Variants in USP10 observed in about 807,000 individuals in gnomAD.
USP10 encodes ubiquitin carboxyl-terminal hydrolase 10.
USP10 carries 22 observed loss-of-function variants against 84.5 expected under a neutral mutation model. The ratio of observed to expected loss-of-function variants is 0.26; its 90% confidence interval spans 0.19 to 0.37. The LOEUF is 0.37. USP10 is among the 10% of genes least tolerant of loss of function. The pLI, the probability that USP10 is intolerant of heterozygous loss-of-function variation, is 1.00. For missense variants in USP10, 1,019 were observed against 998.9 expected (o/e 1.02, Z -0.27); for synonymous variants, 454 against 387.6 (o/e 1.17, Z -2.01).
At chr16:84,713,373 C>G (rs1906560518) in intron 1 of USP10, among the ~76,000 whole-genome samples, 2 of 152,060 alleles carry the variant, frequency 1.3e-5, no homozygotes, top group African/African-American at 4.8e-5. Flanking sequence ...ACCCACTTTA[C>G]CCACCTTTAA....
intron 1 of USP10, among the ~76,000 whole-genome samples, chr16:84,731,628 C>T (rs1039445996): frequency 1.3e-5 from 2 of 152,088 alleles, no homozygotes; most frequent in African/African-American, 4.8e-5. Flanking sequence ...GAACAAAATC[C>T]TTTTTTCTCG....
intron 4 of USP10, among the ~76,000 whole-genome samples, chr16:84,753,546 C>A (rs1207524321): frequency 3.3e-5 from 5 of 152,176 alleles, no homozygotes; most frequent in African/African-American, 1.2e-4. Flanking sequence ...CAGCTCCTTA[C>A]CTGTTCCAGG....
intron 1 of USP10, among the ~76,000 whole-genome samples, chr16:84,705,715 C>CTTTTTTT (rs1034372044): frequency 2.0e-4 from 14 of 71,296 alleles, no homozygotes; most frequent in African/African-American, 3.3e-4. Context: ...CCCTTGCTTG[C>CTTTTTTT]TTTTTTTTTT....
intron 1 of USP10, among the ~76,000 whole-genome samples, chr16:84,706,470 A>G (rs1905523126): frequency 1.3e-5 from 2 of 148,618 alleles, no homozygotes; most frequent in South Asian, 4.2e-4. Flanking sequence ...CAAAGACTAT[A>G]TATATATTTA....
intron 1 of USP10, among the ~76,000 whole-genome samples, chr16:84,707,318 TATA>T (rs1210043447): frequency 6.6e-6 from 1 of 152,256 alleles, no homozygotes; most frequent in African/African-American, 2.4e-5. Context: ...AATTTGTTAC[TATA>T]ATATGTTACT....
At chr16:84,717,733 A>G (rs1567595975) in intron 1 of USP10, among the ~76,000 whole-genome samples, 1 of 152,240 alleles carries the variant, frequency 6.6e-6, no homozygotes, top group East Asian at 1.9e-4. Context: ...CTTCTTAGTA[A>G]TCTTCCTGAG....
At chr16:84,723,202 T>C (rs1445776892) in intron 1 of USP10, among the ~76,000 whole-genome samples, 1 of 151,986 alleles carries the variant, frequency 6.6e-6, no homozygotes, top group Non-Finnish European at 1.5e-5. Context: ...TGAAAAGTGG[T>C]TTCTCTTTAG....
intron 1 of USP10, among the ~76,000 whole-genome samples, chr16:84,719,200 GT>G (rs367677043): frequency 7.2e-5 from 11 of 152,108 alleles, no homozygotes; most frequent in Non-Finnish European, 1.5e-4. Context: ...TCTGGATGTT[GT>G]TCATCAACTT....
intron 2 of USP10, among the ~76,000 whole-genome samples, chr16:84,734,382 G>T (rs532399417): frequency 7.2e-5 from 11 of 152,204 alleles, no homozygotes; most frequent in African/African-American, 2.6e-4. Flanking sequence ...CAAACAGCTG[G>T]GTACTATTTC....
rs147371853 is a variant in USP10 at position 84,768,820 on chromosome 16, T to C, written c.1998+462T>C. On this transcript the variant is annotated intron_variant, in intron 11 of 13. Coordinates refer to ENST00000219473, the MANE Select transcript of USP10 (RefSeq NM_005153.3). ...TAATATAGTCATTGTAAATATAATATAGTCATTGTTCTGATGCTTGTTACT... is the reference window on the plus strand; with the variant it reads ...TAATATAGTCATTGTAAATATAATACAGTCATTGTTCTGATGCTTGTTACT... 5.4e-3 allele frequency among the ~76,000 whole-genome samples: 821 copies of C among 152,338 alleles called. 3 individuals carry two copies. Among genetic ancestry groups the C allele is most frequent in the Admixed American group, 0.015 (229 of 15,294 alleles).
chr16:84,725,765 G>T (rs1255481026), intron 1 of USP10, among the ~76,000 whole-genome samples: 2 of 152,156 alleles, frequency 1.3e-5, no homozygotes, highest in African/African-American at 4.8e-5. Context: ...AGATCCTTTT[G>T]GAGATGGGAA....
chr16:84,750,442 G>A (rs565647848), intron 4 of USP10, among the ~76,000 whole-genome samples: 94 of 151,532 alleles, frequency 6.2e-4, no homozygotes, highest in Middle Eastern at 3.4e-3. Context: ...AATAGCTTGT[G>A]TTTGAAAGTA....
At chr16:84,759,768 GC>G in intron 6 of USP10, 122 bp from the exon 7 acceptor site, 1 of 1,012,570 alleles carries the variant, frequency 9.9e-7, no homozygotes. Flanking sequence ...AGCTGTTACA[GC>G]ATTGGTTACC....
intron 11 of USP10, among the ~76,000 whole-genome samples, chr16:84,772,223 G>A (rs143535161): frequency 0.03 from 4,577 of 152,170 alleles, 100 homozygotes; most frequent in South Asian, 0.072. Context: ...GGCTAATTTT[G>A]TATTTTTAGT....
intron 2 of USP10, among the ~76,000 whole-genome samples, chr16:84,734,426 C>T (rs1345401886): frequency 1.3e-5 from 2 of 152,206 alleles, no homozygotes; most frequent in Admixed American, 1.3e-4. Flanking sequence ...TACGGATGTC[C>T]TCTGCTGTGA....
chr16:84,741,028 T>C (rs920617011), intron 3 of USP10, among the ~76,000 whole-genome samples: 1 of 152,266 alleles, frequency 6.6e-6, no homozygotes, highest in African/African-American at 2.4e-5. Context: ...AGATCATTTT[T>C]CAATCTGAAT....
chr16:84,763,129 C>T (rs1286758816), intron 9 of USP10, 41 bp downstream of exon 9: 13 of 1,371,550 alleles, frequency 9.5e-6, no homozygotes, highest in African/African-American at 2.8e-5. Context: ...TGCAAGAGTT[C>T]GCTGTAAACA....
At chr16:84,764,060 G>C (rs1913534893) in intron 9 of USP10, 26 bp from the exon 10 acceptor site, 2 of 1,599,740 alleles carry the variant, frequency 1.3e-6, no homozygotes, top group Non-Finnish European at 1.7e-6. Context: ...GTAAATAGTA[G>C]TGTAAGCAGA....
At chr16:84,751,183 T>C (rs1404277280) in intron 4 of USP10, among the ~76,000 whole-genome samples, 1 of 152,232 alleles carries the variant, frequency 6.6e-6, no homozygotes, top group Non-Finnish European at 1.5e-5. Context: ...TACGGGTTTG[T>C]AGCTTAGGAG....
Sources: gnomAD v4.1 joint callset for allele counts (sites outside exome capture counted in the v4.1 genomes callset) on GRCh38, gnomAD v4.1.1 for gene constraint, MANE v1.5 for transcripts, NCBI Gene and HGNC (gene_info 2026-07-23, HGNC 2026-07-21) for gene names.